The following CHN2 variants were observed in gnomAD, a reference collection of about 807,000 sequenced individuals.
CHN2 encodes chimerin 2.
Under a neutral mutation model 56.3 loss-of-function variants are expected in CHN2, and 35 were observed. That is an observed-to-expected ratio of 0.62 (90% CI 0.47 to 0.82). CHN2 has a LOEUF of 0.82. Ranked by LOEUF, CHN2 falls within the 40% of genes least tolerant of loss-of-function variation. CHN2 has a pLI of 0.00. For missense variants in CHN2, 491 were observed against 580.5 expected, an observed-to-expected ratio of 0.85 and a Z score of 1.58; for synonymous variants, 210 against 212.8, an observed-to-expected ratio of 0.99 and a Z score of 0.12.
chr7:29,384,424 A>G (rs1348694222), intron 3 of CHN2, among the ~76,000 whole-genome samples: 4 of 152,104 alleles, frequency 2.6e-5, no homozygotes, highest in Non-Finnish European at 4.4e-5. Context: ...GCAAAATGGG[A>G]ATGACAGTCT....
intron 2 of CHN2, among the ~76,000 whole-genome samples, chr7:29,365,273 G>T (rs1799062305): frequency 6.6e-6 from 1 of 152,170 alleles, no homozygotes; most frequent in African/African-American, 2.4e-5. Context: ...AGAGGCTGTG[G>T]TTTTATTTAT....
intron 1 of CHN2, among the ~76,000 whole-genome samples, chr7:29,298,148 C>G (rs545509234): frequency 1.3e-5 from 2 of 152,326 alleles, no homozygotes; most frequent in African/African-American, 4.8e-5. Flanking sequence ...ATGTTTCTAT[C>G]CCCACTACTG....
rs1285105865 is a variant in CHN2, at chr7:29,514,254, G to GTGT, written c.*1519_*1520insTGT. 4.6e-5 allele frequency: 7 copies of GTGT among 152,594 alleles called. No individual in the cohort carries two copies. Among genetic ancestry groups the GTGT allele is most frequent in the African/African-American group, 1.7e-4 (7 of 41,414 alleles). 9.5% of individuals were successfully genotyped at this position (152,594 alleles called of 1,614,324 possible). A position where few individuals can be genotyped will look rare whatever the true frequency, so the allele number is the denominator to read the frequency against. ...TGGAAATGGTTTTATTTTGTGAAGT[G>GTGT]AACAATACTTTGTAATTTATGATAG... On this transcript the variant is annotated 3_prime_UTR_variant, in exon 13 of 13. Transcript: ENST00000222792.
intron 11 of CHN2, among the ~76,000 whole-genome samples, chr7:29,508,499 CA>C (rs1175805555): frequency 1.3e-5 from 2 of 151,256 alleles, no homozygotes; most frequent in Non-Finnish European, 1.5e-5. Flanking sequence ...GATGGGGAGA[CA>C]CAAAGGCAGG....
rs139781885 is a variant in CHN2 at position 29,358,372 on chromosome 7, T to C, written c.88+3709T>C. Among the ~76,000 whole-genome samples, 390 of 152,268 alleles carry C rather than the reference T, an allele frequency of 2.6e-3. 1 individual carries two copies. The highest frequency in any genetic ancestry group is 8.7e-3 in the African/African-American group (363 of 41,560). ...ACGATCACACCATTGCACTCCAGAC[T>C]GTGCAACAGCGAGACCCTGTCTCTA... is the stretch of plus-strand genomic sequence containing the variant. On this transcript the variant is annotated intron_variant, in intron 2 of 12. Transcript: ENST00000222792.
At chr7:29,227,840 A>G (rs1786331010) in intron 1 of CHN2, among the ~76,000 whole-genome samples, 1 of 152,208 alleles carries the variant, frequency 6.6e-6, no homozygotes. Context: ...TGGAATAGAA[A>G]CAACCCAAGT....
At chr7:29,470,854 CAT>C (rs963842941) in intron 6 of CHN2, among the ~76,000 whole-genome samples, 2 of 152,188 alleles carry the variant, frequency 1.3e-5, no homozygotes, top group African/African-American at 4.8e-5. Flanking sequence ...GGAAAACCCA[CAT>C]GTCAGTCATT....
chr7:29,378,503 C>T (rs1800241692), intron 3 of CHN2, among the ~76,000 whole-genome samples: 1 of 152,186 alleles, frequency 6.6e-6, no homozygotes, highest in Non-Finnish European at 1.5e-5. Context: ...TATTAGAACG[C>T]AGCAGTACTC....
intron 6 of CHN2, among the ~76,000 whole-genome samples, chr7:29,405,811 G>A (rs917962394): frequency 2.7e-4 from 41 of 152,118 alleles, no homozygotes; most frequent in Middle Eastern, 3.4e-3. Flanking sequence ...CCAGCTGCCC[G>A]CCTTTATATC....
chr7:29,195,414 C>G (rs1783563842), intron 1 of CHN2: 1 of 190,260 alleles, frequency 5.3e-6, no homozygotes, highest in Non-Finnish European at 1.1e-5. Context: ...CAGAGGGGAG[C>G]AAACCCTCGC....
chr7:29,388,378 C>G (rs992858070), intron 3 of CHN2, among the ~76,000 whole-genome samples: 1 of 152,214 alleles, frequency 6.6e-6, no homozygotes, highest in African/African-American at 2.4e-5. Flanking sequence ...AGGGATGGGC[C>G]TAACCCTTCC....
chr7:29,455,264 C>T (rs1233329688), intron 6 of CHN2, among the ~76,000 whole-genome samples: 7 of 152,166 alleles, frequency 4.6e-5, no homozygotes, highest in South Asian at 4.1e-4. Context: ...AAGATTGCCT[C>T]GTACAATTCC....
intron 6 of CHN2, among the ~76,000 whole-genome samples, chr7:29,456,617 C>CACCACCA (rs1465714080): frequency 7.4e-6 from 1 of 134,484 alleles, no homozygotes; most frequent in Non-Finnish European, 1.6e-5. Flanking sequence ...CCGCCCCCTC[C>CACCACCA]CCCCCACCAC....
intron 1 of CHN2, chr7:29,212,443 C>G (rs779597722): frequency 1.2e-6 from 2 of 1,604,824 alleles, no homozygotes; most frequent in African/African-American, 2.7e-5. Flanking sequence ...ATGCCTCACA[C>G]GGAGACTGTC....
intron 6 of CHN2, among the ~76,000 whole-genome samples, chr7:29,467,750 G>C (rs1295119528): frequency 1.3e-5 from 2 of 152,176 alleles, no homozygotes; most frequent in Admixed American, 1.3e-4. Context: ...CTTGCATAGT[G>C]AGAAGTCTCT....
At chr7:29,154,074 C>T (rs1392453748) in intron 2 of CHN2, among the ~76,000 whole-genome samples, 1 of 152,144 alleles carries the variant, frequency 6.6e-6, no homozygotes, top group African/African-American at 2.4e-5. Context: ...GTTGACAGCC[C>T]TAACCTCTGC....
intron 6 of CHN2, among the ~76,000 whole-genome samples, chr7:29,447,313 A>C (rs1477663076): frequency 1.3e-5 from 2 of 152,246 alleles, no homozygotes; most frequent in African/African-American, 2.4e-5. Flanking sequence ...AACGCCTAAG[A>C]TGTAAAGTAC....
At chr7:29,215,314 C>T (rs921242983) in intron 1 of CHN2, among the ~76,000 whole-genome samples, 6 of 152,116 alleles carry the variant, frequency 3.9e-5, no homozygotes, top group African/African-American at 1.2e-4. Context: ...AGCCTGAGGC[C>T]GTCCTCTGCA....
At chr7:29,202,180 CTG>C (rs1464317681) in intron 1 of CHN2, among the ~76,000 whole-genome samples, 2 of 152,136 alleles carry the variant, frequency 1.3e-5, no homozygotes, top group Admixed American at 6.5e-5. Context: ...GTAAGGAAAA[CTG>C]TGAATGTGTG....
Sources: gnomAD v4.1 joint callset for allele counts (sites outside exome capture counted in the v4.1 genomes callset) on GRCh38, gnomAD v4.1.1 for gene constraint, MANE v1.5 for transcripts, NCBI Gene and HGNC (gene_info 2026-07-23, HGNC 2026-07-21) for gene names.